The following HYDIN variants were observed in gnomAD, a reference collection of about 807,000 sequenced individuals.
HYDIN encodes axonemal central pair apparatus protein HYDIN.
Under a neutral mutation model 403.9 loss-of-function variants are expected in HYDIN, and 132 were observed. The ratio of observed to expected loss-of-function variants is 0.33; its 90% CI spans 0.28 to 0.38. The LOEUF (loss-of-function observed/expected upper bound fraction) is 0.38. Ranked by LOEUF, HYDIN falls within the 10% of genes least tolerant of loss-of-function variation. The pLI is 1.00. For synonymous variants in HYDIN, 1,202 were observed against 1,891.7 expected (o/e 0.64, Z 9.46); for missense variants, 2,827 against 5,009.5 (o/e 0.56, Z 13.15).
In HYDIN at chr16:70,880,077, G is replaced by T. The variant is rs2040688510; in HGVS notation, c.10216-321C>A. 3.6e-5 allele frequency among the ~76,000 whole-genome samples: 2 copies of T among 56,252 alleles called. 1 individual carries two copies. Among genetic ancestry groups the T allele is most frequent in the Admixed American group, 4.1e-4 (2 of 4,834 alleles). The allele number at this position is 56,252 out of a possible 152,430, so 36.9% of individuals were successfully genotyped here. A position where few individuals can be genotyped will look rare whatever the true frequency, so the allele number is the denominator to read the frequency against. Reference sequence around the variant, plus strand: ...GTTGGTTGGTTTTTAAATTCTTTCTGTGACAGGATCTTGCTCTGTCACTCA... The same window carrying T: ...GTTGGTTGGTTTTTAAATTCTTTCTTTGACAGGATCTTGCTCTGTCACTCA... On this transcript the variant is annotated intron_variant, in intron 60 of 85. Coordinates refer to ENST00000393567, the MANE Select transcript of HYDIN (RefSeq NM_001270974.2).
intron 18 of HYDIN, among the ~76,000 whole-genome samples, chr16:71,048,244 G>C (rs1027319106): frequency 6.0e-5 from 9 of 150,116 alleles, no homozygotes; most frequent in African/African-American, 2.2e-4. Flanking sequence ...TTCATCTGTT[G>C]ATGGACACTT....
chr16:70,835,029 T>G (rs1182587621), intron 78 of HYDIN, among the ~76,000 whole-genome samples: 3 of 145,062 alleles, frequency 2.1e-5, no homozygotes, highest in Non-Finnish European at 1.5e-5. Flanking sequence ...TATATATGTT[T>G]TTTTTTTTTT....
chr16:71,170,160 C>T (rs761056112), intron 5 of HYDIN, among the ~76,000 whole-genome samples: 10 of 152,196 alleles, frequency 6.6e-5, no homozygotes, highest in Non-Finnish European at 1.0e-4. Context: ...AGGAGAGGAT[C>T]AAGCATTTCT....
rs11452010 is a variant in HYDIN, at chr16:70,824,532, CT to C, written c.14427+2728del. On this transcript the variant is annotated intron_variant, in intron 83 of 85. Coordinates refer to ENST00000393567, the MANE Select transcript of HYDIN (RefSeq NM_001270974.2). ...TCCTTGTACTTTCCTCTTTGATTCA[CT>C]TTTTTTTTTTTTGAGACAGGGTCTT... Among the ~76,000 whole-genome samples, 398 of 145,302 alleles carry C rather than the reference CT, an allele frequency of 2.7e-3. 1 individual carries two copies. The highest frequency in any genetic ancestry group is 4.7e-3 in the African/African-American group (187 of 39,912).
chr16:70,982,569 G>C (rs1440999575), intron 28 of HYDIN, among the ~76,000 whole-genome samples: 1 of 89,470 alleles, frequency 1.1e-5, no homozygotes, highest in Non-Finnish European at 1.8e-5. Flanking sequence ...AGTGAATCCA[G>C]CAATATATAT....
At chr16:71,224,716 T>C (rs895201789) in intron 1 of HYDIN, among the ~76,000 whole-genome samples, 3 of 150,874 alleles carry the variant, frequency 2.0e-5, no homozygotes, top group African/African-American at 7.3e-5. Flanking sequence ...CGCCCGCCAC[T>C]ACGCCCGGCT....
chr16:70,991,899 C>T (rs978195556), intron 24 of HYDIN, among the ~76,000 whole-genome samples, 171 bp downstream of exon 24: 2 of 152,080 alleles, frequency 1.3e-5, no homozygotes, highest in Admixed American at 6.5e-5. Flanking sequence ...CATGATGGTA[C>T]CCTCTCCCTA....
chr16:70,912,981 CTGTT>C (rs2143791556), intron 47 of HYDIN, among the ~76,000 whole-genome samples: 1 of 151,204 alleles, frequency 6.6e-6, no homozygotes, highest in South Asian at 2.1e-4. Context: ...GTAATATCTC[CTGTT>C]TGTTTCTTAT....
At chr16:71,108,018 G>C (rs2083680318) in intron 10 of HYDIN, among the ~76,000 whole-genome samples, 1 of 152,122 alleles carries the variant, frequency 6.6e-6, no homozygotes, top group African/African-American at 2.4e-5. Flanking sequence ...TCCTCTGCAG[G>C]AATGTGGATG....
At chr16:70,854,289 C>G (rs1027981031) in intron 73 of HYDIN, among the ~76,000 whole-genome samples, 1 of 150,188 alleles carries the variant, frequency 6.7e-6, no homozygotes, top group Non-Finnish European at 1.5e-5. Flanking sequence ...AGCTGGAGTG[C>G]AGTGGTGCAA....
intron 7 of HYDIN, among the ~76,000 whole-genome samples, chr16:71,151,490 C>G (rs1169925491): frequency 1.3e-5 from 2 of 151,886 alleles, no homozygotes; most frequent in Non-Finnish European, 2.9e-5. Flanking sequence ...AGTGTGACTT[C>G]CAGGGATGGG....
chr16:71,223,934 C>A (rs1395786850), intron 1 of HYDIN, among the ~76,000 whole-genome samples: 1 of 152,138 alleles, frequency 6.6e-6, no homozygotes, highest in Admixed American at 6.5e-5. Flanking sequence ...CCAGCAATCC[C>A]ACTACTGGGT....
At chr16:70,866,098 A>T (rs2039733205) in intron 67 of HYDIN, 71 bp downstream of exon 67, 2 of 963,712 alleles carry the variant, frequency 2.1e-6, no homozygotes, top group Admixed American at 4.2e-5. Context: ...TAGACGTTTG[A>T]TGAGTGAGTG....
intron 18 of HYDIN, among the ~76,000 whole-genome samples, chr16:71,051,194 T>A (rs957892129): frequency 6.6e-6 from 1 of 152,198 alleles, no homozygotes; most frequent in Non-Finnish European, 1.5e-5. Flanking sequence ...TAATTTGTTA[T>A]ATTAACAGAT....
chr16:70,904,982 G>A (rs568300530), intron 50 of HYDIN, among the ~76,000 whole-genome samples: 1 of 152,228 alleles, frequency 6.6e-6, no homozygotes, highest in Admixed American at 6.5e-5. Context: ...AGCACTGGGG[G>A]CACTGAGGGA....
At chr16:71,111,496 T>C (rs1271655656) in intron 10 of HYDIN, among the ~76,000 whole-genome samples, 1 of 151,976 alleles carries the variant, frequency 6.6e-6, no homozygotes, top group Non-Finnish European at 1.5e-5. Context: ...ACAATTTGAG[T>C]CAGAGTAACT....
In HYDIN at chr16:70,958,263, T is replaced by A. The variant is rs542487351; in HGVS notation, c.6142+1384A>T. Among the ~76,000 whole-genome samples, 910 of 151,408 alleles carry A rather than the reference T, an allele frequency of 6.0e-3. 5 individuals are homozygous for A. The highest frequency in any genetic ancestry group is 9.8e-3 in the Non-Finnish European group (660 of 67,408). Reference sequence around the variant, plus strand: ...AAAGGGGAAAAATAACTTATATTGATCAGTCTGATTTTGACATAGGCTGTT... The same window carrying A: ...AAAGGGGAAAAATAACTTATATTGAACAGTCTGATTTTGACATAGGCTGTT... On this transcript the variant is annotated intron_variant, in intron 39 of 85. Transcript: ENST00000393567.
chr16:71,107,514 A>T (rs2083660919), intron 10 of HYDIN, among the ~76,000 whole-genome samples: 1 of 151,688 alleles, frequency 6.6e-6, no homozygotes, highest in African/African-American at 2.4e-5. Context: ...TCGGCAAAAA[A>T]ATGAACAAAT....
chr16:71,207,150 G>C (rs1192112744), intron 1 of HYDIN, among the ~76,000 whole-genome samples: 2 of 152,096 alleles, frequency 1.3e-5, no homozygotes, highest in South Asian at 2.1e-4. Flanking sequence ...TGAAATGAAG[G>C]AAAAAATGTT....
Sources: gnomAD v4.1 joint callset for allele counts (sites outside exome capture counted in the v4.1 genomes callset) on GRCh38, gnomAD v4.1.1 for gene constraint, MANE v1.5 for transcripts, NCBI Gene and HGNC (gene_info 2026-07-23, HGNC 2026-07-21) for gene names.